MARCHF1: variants seen among roughly 807,000 people sequenced by gnomAD.
MARCHF1 encodes the protein membrane associated ring-CH-type finger 1.
A neutral mutation model predicts 54.2 loss-of-function variants in MARCHF1; 40 were observed. The ratio of observed to expected loss-of-function variants is 0.74; its 90% CI spans 0.57 to 0.96. The LOEUF is 0.96. MARCHF1 is among the 40% of genes least tolerant of loss of function. The probability of loss-of-function intolerance (pLI) is 0.00; values close to 1 mark genes in which losing one functional copy is unlikely to be tolerated. For missense variants in MARCHF1, 586 were observed against 656.5 expected (o/e 0.89, Z 1.17); for synonymous variants, 236 against 236.3 (o/e 1.00, Z 0.01).
At chr4:163,656,430 A>C (rs1183322410) in intron 5 of MARCHF1, among the ~76,000 whole-genome samples, 1 of 152,032 alleles carries the variant, frequency 6.6e-6, no homozygotes, top group African/African-American at 2.4e-5. Context: ...TACCAACCAA[A>C]AAACCCCAGG....
intron 2 of MARCHF1, among the ~76,000 whole-genome samples, chr4:164,027,584 T>C (rs1753798492): frequency 6.6e-6 from 1 of 151,976 alleles, no homozygotes; most frequent in Non-Finnish European, 1.5e-5. Context: ...CATTTTACCA[T>C]ATATAAAAAT....
At chr4:164,197,166 C>A (rs767217159) in intron 1 of MARCHF1, 1 of 1,608,016 alleles carries the variant, frequency 6.2e-7, no homozygotes, top group Non-Finnish European at 8.5e-7. Flanking sequence ...CCTCATCTTC[C>A]ACTACCTGAG....
At chr4:164,174,504 G>C (rs1730611882) in intron 1 of MARCHF1, among the ~76,000 whole-genome samples, 1 of 152,164 alleles carries the variant, frequency 6.6e-6, no homozygotes, top group Non-Finnish European at 1.5e-5. Flanking sequence ...GGTGATTGTG[G>C]AGTACAAGTG....
At chr4:164,222,576 G>T (rs753342012) in intron 1 of MARCHF1, among the ~76,000 whole-genome samples, 8 of 151,636 alleles carry the variant, frequency 5.3e-5, no homozygotes, top group Non-Finnish European at 8.8e-5. Flanking sequence ...ACAGAGTCAG[G>T]CAAATAGTGA....
intron 2 of MARCHF1, among the ~76,000 whole-genome samples, chr4:164,079,900 A>G (rs1383433392): frequency 6.6e-6 from 1 of 152,234 alleles, no homozygotes; most frequent in Admixed American, 6.5e-5. Context: ...AACAAAATAC[A>G]TTAATATCAG....
chr4:163,690,083 T>C (rs959685530), intron 5 of MARCHF1, among the ~76,000 whole-genome samples: 1 of 152,090 alleles, frequency 6.6e-6, no homozygotes, highest in Non-Finnish European at 1.5e-5. Flanking sequence ...ACACTCCTGG[T>C]GATAGGCCAG....
At chr4:163,642,114 A>G (rs1742575964) in intron 5 of MARCHF1, among the ~76,000 whole-genome samples, 1 of 152,198 alleles carries the variant, frequency 6.6e-6, no homozygotes, top group South Asian at 2.1e-4. Flanking sequence ...GTGACTTTGT[A>G]TTTGGATAAA....
chr4:163,773,335 T>A (rs908447166), intron 4 of MARCHF1, among the ~76,000 whole-genome samples: 2 of 152,164 alleles, frequency 1.3e-5, no homozygotes, highest in Admixed American at 6.5e-5. Flanking sequence ...GGAAGAGAAA[T>A]GTGCTAAATT....
chr4:164,132,890 C>T (rs1756330918), intron 1 of MARCHF1, among the ~76,000 whole-genome samples: 1 of 151,876 alleles, frequency 6.6e-6, no homozygotes, highest in Non-Finnish European at 1.5e-5. Flanking sequence ...ATATTATAAT[C>T]AATTTTACAT....
intron 2 of MARCHF1, among the ~76,000 whole-genome samples, chr4:164,087,455 T>C (rs565159702): frequency 5.3e-5 from 8 of 152,016 alleles, no homozygotes; most frequent in Non-Finnish European, 1.2e-4. Flanking sequence ...CATGAAGACA[T>C]AGAAACACAG....
intron 2 of MARCHF1, among the ~76,000 whole-genome samples, chr4:164,062,295 A>G (rs1373884540): frequency 6.6e-6 from 1 of 152,028 alleles, no homozygotes; most frequent in Non-Finnish European, 1.5e-5. Context: ...TACTTCCTCC[A>G]TTGAAATTTT....
rs1045132187 is a variant in MARCHF1 at position 164,372,819 on chromosome 4, ACACT to A, written c.-323+11047_-323+11050del. 1.5e-4 allele frequency among the ~76,000 whole-genome samples: 23 copies of A among 152,244 alleles called. No individual in the cohort carries two copies. The East Asian group carries it at 2.9e-3, about 19-fold the overall frequency. On this transcript the variant is annotated intron_variant, in intron 1 of 9. Coordinates refer to ENST00000514618, the MANE Select transcript of MARCHF1 (RefSeq NM_001394959.1). Reference sequence around the variant, plus strand: ...TAGGAAGAGAAAAAGGAAAAATAAAACACTCACTACAAAATGATACCAGTCATAA... The same window carrying A: ...TAGGAAGAGAAAAAGGAAAAATAAAACACTACAAAATGATACCAGTCATAA...
At chr4:164,167,736 A>C (rs1730418633) in intron 1 of MARCHF1, among the ~76,000 whole-genome samples, 1 of 151,898 alleles carries the variant, frequency 6.6e-6, no homozygotes, top group South Asian at 2.1e-4. Flanking sequence ...CAAAAGAATA[A>C]AATAGAACCC....
intron 5 of MARCHF1, among the ~76,000 whole-genome samples, chr4:163,667,944 T>TTTAAA (rs1743599579): frequency 6.6e-6 from 1 of 152,164 alleles, no homozygotes; most frequent in African/African-American, 2.4e-5. Flanking sequence ...TTAAATTTAA[T>TTTAAA]AAAAAGTATG....
chr4:163,623,300 A>G (rs566385683), intron 5 of MARCHF1, among the ~76,000 whole-genome samples: 118 of 152,298 alleles, frequency 7.7e-4, no homozygotes, highest in African/African-American at 2.4e-3. Flanking sequence ...GCTTCCTAGT[A>G]AAATGTAGGC....
chr4:164,147,272 T>C (rs1343920949), intron 1 of MARCHF1, among the ~76,000 whole-genome samples: 1 of 148,010 alleles, frequency 6.8e-6, no homozygotes, highest in Non-Finnish European at 1.5e-5. Flanking sequence ...TGGCGATTCC[T>C]CAGGGATCTA....
At chr4:163,895,896 T>C (rs7660683) in intron 3 of MARCHF1, among the ~76,000 whole-genome samples, 131,082 of 152,020 alleles carry the variant, frequency 0.86, 58,367 homozygotes, top group Non-Finnish European at 0.97. Flanking sequence ...GCAGTAAGCA[T>C]GACCCCCCCA....
chr4:164,287,133 T>A (rs1024075398), intron 1 of MARCHF1, among the ~76,000 whole-genome samples: 2 of 148,538 alleles, frequency 1.3e-5, no homozygotes, highest in Admixed American at 1.3e-4. Flanking sequence ...CATTTATATA[T>A]AACTATAGAA....
chr4:164,056,622 T>C (rs1323248382), intron 2 of MARCHF1, among the ~76,000 whole-genome samples: 1 of 152,146 alleles, frequency 6.6e-6, no homozygotes, highest in Non-Finnish European at 1.5e-5. Context: ...GATTAATAGA[T>C]TGGGTAGAAG....
Sources: allele counts gnomAD v4.1 joint callset (sites outside exome capture counted in the v4.1 genomes callset), GRCh38; gene constraint gnomAD v4.1.1; transcripts MANE v1.5; gene names NCBI Gene and HGNC (gene_info 2026-07-23, HGNC 2026-07-21).